Variants in PBLD observed in about 807,000 individuals in gnomAD.
PBLD encodes the protein phenazine biosynthesis like protein domain containing, also known as phenazine biosynthesis-like domain-containing protein.
Under a neutral mutation model 31.3 loss-of-function variants are expected in PBLD, and 26 were observed. The observed-to-expected ratio is 0.83, with a 90% confidence interval of 0.61 to 1.15. The LOEUF (loss-of-function observed/expected upper bound fraction) is 1.15. Ranked by LOEUF, PBLD falls within the 50% of genes most tolerant of loss-of-function variation. The pLI, the probability that PBLD is intolerant of heterozygous loss-of-function variation, is 0.00. For missense variants in PBLD, 307 were observed against 351.7 expected, an observed-to-expected ratio of 0.87 and a Z score of 1.02; for synonymous variants, 114 against 129.0, an observed-to-expected ratio of 0.88 and a Z score of 0.79.
chr10:68,296,205 G>C, intron 4 of PBLD, 61 bp downstream of exon 4: 1 of 1,254,564 alleles, frequency 8.0e-7, no homozygotes, highest in Non-Finnish European at 1.1e-6. Context: ...GTGTGTGTGA[G>C]AACTTAAAAA....
intron 6 of PBLD, among the ~76,000 whole-genome samples, chr10:68,289,325 C>T (rs558374272): frequency 5.5e-4 from 84 of 152,082 alleles, no homozygotes; most frequent in Non-Finnish European, 9.3e-4. Flanking sequence ...GTCAGGAGCT[C>T]GAGACCAGGC....
chr10:68,326,069 G>C (rs1259647701), intron 1 of PBLD, among the ~76,000 whole-genome samples: 1 of 151,770 alleles, frequency 6.6e-6, no homozygotes, highest in African/African-American at 2.4e-5. Context: ...TTTCTGTTTT[G>C]TTTTGTTTTT....
intron 1 of PBLD, among the ~76,000 whole-genome samples, chr10:68,328,908 C>T (rs1206513337): frequency 2.6e-5 from 4 of 152,126 alleles, no homozygotes; most frequent in East Asian, 3.9e-4. Flanking sequence ...GACGGAGTCT[C>T]GTTCTGTCAC....
At chr10:68,321,006 G>A (rs555227971) in intron 1 of PBLD, among the ~76,000 whole-genome samples, 2 of 152,048 alleles carry the variant, frequency 1.3e-5, no homozygotes, top group East Asian at 3.9e-4. Context: ...ACTTTTAGCA[G>A]AGATGGAGTT....
At chr10:68,327,003 CGCCACTGCACTCCAGTCTGGCGACA>C (rs1417964940) in intron 1 of PBLD, among the ~76,000 whole-genome samples, 3 of 151,860 alleles carry the variant, frequency 2.0e-5, no homozygotes, top group Non-Finnish European at 4.4e-5. Flanking sequence ...GCTGAGATCG[CGCCACTGCACTCCAGTCTGGCGACA>C]GAGCGAGACT....
At chr10:68,292,848 G>A (rs2044377681) in intron 4 of PBLD, among the ~76,000 whole-genome samples, 3 of 151,988 alleles carry the variant, frequency 2.0e-5, no homozygotes, top group South Asian at 2.1e-4. Context: ...TATAAAATGA[G>A]GTTAATACAT....
intron 2 of PBLD, among the ~76,000 whole-genome samples, chr10:68,306,253 T>C (rs979458781): frequency 2.6e-5 from 4 of 152,202 alleles, no homozygotes; most frequent in Non-Finnish European, 4.4e-5. Flanking sequence ...CAGTAAGTTA[T>C]TTATATACTA....
At chr10:68,288,438 C>T (rs1232143789) in intron 8 of PBLD, 45 bp downstream of exon 8, 2 of 1,586,950 alleles carry the variant, frequency 1.3e-6, no homozygotes, top group Non-Finnish European at 1.7e-6. Flanking sequence ...TTGTGATCCT[C>T]CTCTTCCATT....
intron 1 of PBLD, among the ~76,000 whole-genome samples, chr10:68,312,487 G>C (rs2044681836): frequency 6.6e-6 from 1 of 151,982 alleles, no homozygotes; most frequent in South Asian, 2.1e-4. Context: ...ATCTTCTTTA[G>C]AGAAATGTCT....
intron 5 of PBLD, 43 bp downstream of exon 5, chr10:68,292,086 G>A: frequency 6.3e-7 from 1 of 1,598,580 alleles, no homozygotes; most frequent in Non-Finnish European, 8.6e-7. Context: ...CAGGAGAGCT[G>A]TCGGTTGTAG....
At chr10:68,306,983 A>AG (rs985899934) in intron 1 of PBLD, 80 bp from the exon 2 acceptor site, 22 of 621,104 alleles carry the variant, frequency 3.5e-5, no homozygotes, top group Non-Finnish European at 6.0e-5. Flanking sequence ...TACAAAGTCA[A>AG]GCAATTATTC....
chr10:68,327,032 C>T (rs758884151), intron 1 of PBLD, among the ~76,000 whole-genome samples: 3 of 151,580 alleles, frequency 2.0e-5, no homozygotes, highest in African/African-American at 7.3e-5. Flanking sequence ...GGCGACAGAG[C>T]GAGACTCCAC....
chr10:68,307,233 T>C (rs548399340), intron 1 of PBLD, among the ~76,000 whole-genome samples: 29 of 152,138 alleles, frequency 1.9e-4, no homozygotes, highest in African/African-American at 5.8e-4. Context: ...TTTCACGGTG[T>C]AGGCCAGGCT....
intron 2 of PBLD, among the ~76,000 whole-genome samples, chr10:68,305,424 C>G (rs1056476385): frequency 6.6e-6 from 1 of 151,718 alleles, no homozygotes; most frequent in African/African-American, 2.4e-5. Flanking sequence ...AGTTCTCCAT[C>G]ATGATTGCAC....
chr10:68,330,126 A>G (rs1224699528), intron 1 of PBLD, among the ~76,000 whole-genome samples: 1 of 152,096 alleles, frequency 6.6e-6, no homozygotes, highest in Non-Finnish European at 1.5e-5. Flanking sequence ...TTTAATGATG[A>G]TAACACTGTC....
chr10:68,288,417 T>TA, intron 8 of PBLD, 66 bp downstream of exon 8: 1 of 1,546,260 alleles, frequency 6.5e-7, no homozygotes, highest in Non-Finnish European at 8.7e-7. Flanking sequence ...GAAGTGCACT[T>TA]AAATAACTAT....
At chr10:68,328,919 C>G (rs2044968482) in intron 1 of PBLD, among the ~76,000 whole-genome samples, 2 of 152,104 alleles carry the variant, frequency 1.3e-5, no homozygotes, top group Admixed American at 6.5e-5. Flanking sequence ...GTTCTGTCAC[C>G]CAGGCTGGAG....
At chr10:68,286,580 C>G (rs2044291263) in intron 8 of PBLD, among the ~76,000 whole-genome samples, 1 of 151,034 alleles carries the variant, frequency 6.6e-6, no homozygotes, top group Non-Finnish European at 1.5e-5. Flanking sequence ...CTCATGCAAC[C>G]CTCCCACCTC....
chr10:68,327,065 T>TAA (rs374097075), intron 1 of PBLD, among the ~76,000 whole-genome samples: 2 of 146,066 alleles, frequency 1.4e-5, no homozygotes, highest in African/African-American at 5.0e-5. Context: ...ACAACAACAA[T>TAA]AAAAAAAAAA....
Sources: gnomAD v4.1 joint callset for allele counts (sites outside exome capture counted in the v4.1 genomes callset) on GRCh38, gnomAD v4.1.1 for gene constraint, MANE v1.5 for transcripts, NCBI Gene and HGNC (gene_info 2026-07-23, HGNC 2026-07-21) for gene names.